Variants in ZFYVE9 observed in about 807,000 individuals in gnomAD.
ZFYVE9 encodes the protein zinc finger FYVE-type containing 9.
Under a neutral mutation model 126.7 loss-of-function variants are expected in ZFYVE9, and 43 were observed. The observed-to-expected ratio is 0.34, with a 90% CI of 0.27 to 0.44. The LOEUF (loss-of-function observed/expected upper bound fraction) is 0.44. Ranked by LOEUF, ZFYVE9 falls within the 20% of genes least tolerant of loss-of-function variation. ZFYVE9 has a pLI of 1.00. For synonymous variants in ZFYVE9, 521 were observed against 597.4 expected (o/e 0.87, Z 1.87); for missense variants, 1,476 against 1,697.0 (o/e 0.87, Z 2.29).
intron 4 of ZFYVE9, among the ~76,000 whole-genome samples, chr1:52,247,193 C>T (rs1645395008): frequency 6.6e-6 from 1 of 152,102 alleles, no homozygotes; most frequent in African/African-American, 2.4e-5. Flanking sequence ...TAGTAGTAGG[C>T]CCTCACTCAG....
intron 9 of ZFYVE9, among the ~76,000 whole-genome samples, chr1:52,280,140 G>A (rs531857379): frequency 6.6e-6 from 1 of 150,976 alleles, no homozygotes; most frequent in South Asian, 2.1e-4. Flanking sequence ...GCTTTGGGAG[G>A]CCAAGGCAGA....
At chr1:52,281,290 A>G (rs1364580781) in intron 9 of ZFYVE9, among the ~76,000 whole-genome samples, 2 of 151,668 alleles carry the variant, frequency 1.3e-5, no homozygotes, top group Non-Finnish European at 1.5e-5. Flanking sequence ...CCGCCACTGC[A>G]CCCAGCTAAT....
At chr1:52,344,741 TAA>T (rs1441401437) in intron 17 of ZFYVE9, 25 bp from the exon 18 acceptor site, 5 of 1,610,892 alleles carry the variant, frequency 3.1e-6, no homozygotes, top group East Asian at 2.2e-5. Flanking sequence ...GGCACAAGTT[TAA>T]AAGTCTCTTT....
chr1:52,312,280 G>T (rs1285152141), intron 13 of ZFYVE9, among the ~76,000 whole-genome samples: 2 of 152,146 alleles, frequency 1.3e-5, no homozygotes, highest in African/African-American at 2.4e-5. Flanking sequence ...CTAACTGTAG[G>T]TATTTAATAT....
intron 2 of ZFYVE9, among the ~76,000 whole-genome samples, chr1:52,230,417 GC>G (rs754798822): frequency 1.3e-5 from 2 of 151,832 alleles, no homozygotes; most frequent in Non-Finnish European, 2.9e-5. Context: ...AGGGCCTGTT[GC>G]GGGGGTGGGG....
chr1:52,313,692 C>T, intron 13 of ZFYVE9, among the ~76,000 whole-genome samples: 1 of 152,112 alleles, frequency 6.6e-6, no homozygotes, highest in Non-Finnish European at 1.5e-5. Flanking sequence ...TGTACAGATT[C>T]AAACTGCTCT....
intron 10 of ZFYVE9, among the ~76,000 whole-genome samples, chr1:52,286,631 T>C (rs767564895): frequency 1.3e-5 from 2 of 152,230 alleles, no homozygotes; most frequent in Non-Finnish European, 2.9e-5. Flanking sequence ...TACCTGTTTT[T>C]TTGCAAACAA....
chr1:52,210,067 G>A (rs1209127816), intron 1 of ZFYVE9, among the ~76,000 whole-genome samples: 1 of 152,174 alleles, frequency 6.6e-6, no homozygotes, highest in Non-Finnish European at 1.5e-5. Flanking sequence ...AAAGATTTAA[G>A]AGGTAAGATT....
chr1:52,184,765 C>G (rs568577231), intron 1 of ZFYVE9, among the ~76,000 whole-genome samples: 3 of 152,026 alleles, frequency 2.0e-5, no homozygotes, highest in African/African-American at 7.2e-5. Context: ...GTGCGGTGAC[C>G]TATAATCCCA....
At chr1:52,269,127 A>G (rs1043220567) in intron 7 of ZFYVE9, among the ~76,000 whole-genome samples, 1 of 152,022 alleles carries the variant, frequency 6.6e-6, no homozygotes, top group African/African-American at 2.4e-5. Context: ...TTACATTAGG[A>G]TTGGATACTT....
intron 1 of ZFYVE9, among the ~76,000 whole-genome samples, chr1:52,192,356 G>T (rs943288214): frequency 2.0e-5 from 3 of 152,200 alleles, no homozygotes; most frequent in Non-Finnish European, 4.4e-5. Flanking sequence ...ATTCAAACAT[G>T]CTTGTTCATC....
At chr1:52,274,048 A>C (rs1019240353) in intron 7 of ZFYVE9, among the ~76,000 whole-genome samples, 4 of 152,314 alleles carry the variant, frequency 2.6e-5, no homozygotes, top group Admixed American at 6.5e-5. Flanking sequence ...TAATTTTTAA[A>C]AGCAATATAA....
chr1:52,317,579 A>G (rs2147855702), intron 13 of ZFYVE9, among the ~76,000 whole-genome samples: 1 of 152,284 alleles, frequency 6.6e-6, no homozygotes, highest in South Asian at 2.1e-4. Flanking sequence ...TGAAATACAA[A>G]ATAGAAGAAA....
At chr1:52,308,405 C>G (rs1646106560) in intron 13 of ZFYVE9, among the ~76,000 whole-genome samples, 1 of 152,038 alleles carries the variant, frequency 6.6e-6, no homozygotes, top group South Asian at 2.1e-4. Flanking sequence ...TAGGCTGATC[C>G]TGAACTCCTG....
chr1:52,195,879 G>A (rs997075111), intron 1 of ZFYVE9, among the ~76,000 whole-genome samples: 6 of 151,272 alleles, frequency 4.0e-5, no homozygotes, highest in South Asian at 2.1e-4. Context: ...TGCAGCCTCC[G>A]CATCATGGGT....
In ZFYVE9 at chr1:52,238,531, A is replaced by T. The variant is rs1202570005; in HGVS notation, c.1114A>T (p.Asn372Tyr). The T allele has an allele frequency of 6.2e-7, 1 of 1,613,964 alleles. No homozygotes were observed. The highest frequency in any genetic ancestry group is 8.5e-7 in the Non-Finnish European group (1 of 1,179,962). The change falls in exon 4 of 19, where the codon AAT (asparagine) becomes TAT (tyrosine). Residue 372 changes from asparagine (N) to tyrosine (Y), a missense_variant. By Grantham distance (143) the Asn-to-Tyr change is moderately radical. This residue lies in a region of ZFYVE9 where 807 missense variants were observed against 794.6 expected (regional missense o/e 1.02). Coordinates refer to ENST00000287727, the MANE Select transcript of ZFYVE9 (RefSeq NM_004799.4). Reference protein sequence around the residue: ...LVPNEVRADENEGYEHEETLG... With the variant: ...LVPNEVRADEYEGYEHEETLG... The stretch of plus-strand genomic sequence containing the variant: ...GCCTAATGAAGTTAGGGCTGATGAA[A>T]ATGAAGGTTATGAACATGAAGAAAC...
chr1:52,184,222 G>GATAT (rs375204928), intron 1 of ZFYVE9, among the ~76,000 whole-genome samples: 2,629 of 139,208 alleles, frequency 0.019, 86 homozygotes, highest in African/African-American at 0.067. Flanking sequence ...TATATATATA[G>GATAT]ATATATATAT....
At chr1:52,283,980 G>A (rs1005256837) in intron 10 of ZFYVE9, among the ~76,000 whole-genome samples, 53 of 152,170 alleles carry the variant, frequency 3.5e-4, no homozygotes, top group African/African-American at 1.2e-3. Context: ...GGAGAGATAC[G>A]AAAGATGTGG....
At chr1:52,160,752 A>T (rs1294654505) in intron 1 of ZFYVE9, among the ~76,000 whole-genome samples, 2 of 152,204 alleles carry the variant, frequency 1.3e-5, no homozygotes, top group Non-Finnish European at 2.9e-5. Context: ...TTCTTTATGA[A>T]TAAAAACCTT....
Sources: gnomAD v4.1 joint callset for allele counts (sites outside exome capture counted in the v4.1 genomes callset) on GRCh38, gnomAD v4.1.1 for gene constraint, gnomAD v4.1.1 regional missense constraint, MANE v1.5 for transcripts, NCBI Gene and HGNC (gene_info 2026-07-23, HGNC 2026-07-21) for gene names.